The following DPY30 variants were observed in gnomAD, a reference collection of about 807,000 sequenced individuals.
DPY30 encodes the protein dpy-30 histone methyltransferase complex regulatory subunit, also known as protein dpy-30 homolog.
A neutral mutation model predicts 16.2 loss-of-function variants in DPY30; 6 were observed. The ratio of observed to expected loss-of-function variants is 0.37; its 90% confidence interval spans 0.20 to 0.73. DPY30 has a LOEUF of 0.73. DPY30 is among the 30% of genes least tolerant of loss of function. DPY30 has a pLI of 0.51. For synonymous variants in DPY30, 39 were observed against 38.8 expected (o/e 1.00, Z -0.02); for missense variants, 73 against 113.1 (o/e 0.65, Z 1.61).
At chr2:32,031,983 A>T (rs1208361148) in intron 3 of DPY30, among the ~76,000 whole-genome samples, 1 of 152,182 alleles carries the variant, frequency 6.6e-6, no homozygotes, top group African/African-American at 2.4e-5. Context: ...TCCTAAGAGC[A>T]CTTTCATTTA....
At chr2:32,021,552 C>T (rs1675180569), downstream of DPY30, among the ~76,000 whole-genome samples, 1 of 151,222 alleles carries the variant, frequency 6.6e-6, no homozygotes, top group Non-Finnish European at 1.5e-5. Flanking sequence ...GTGGCACACA[C>T]CTGTAATCCC....
chr2:32,017,366 C>T (rs1334288752), intron 5 of DPY30, among the ~76,000 whole-genome samples: 1 of 151,942 alleles, frequency 6.6e-6, no homozygotes, highest in Non-Finnish European at 1.5e-5. Context: ...CCTATAATCC[C>T]AGCACTTTGG....
intron 3 of DPY30, among the ~76,000 whole-genome samples, chr2:32,037,491 G>A (rs559962900): frequency 1.9e-4 from 29 of 151,896 alleles, no homozygotes; most frequent in Non-Finnish European, 3.1e-4. Context: ...TTTTTTTGTA[G>A]AAACAGGGTT....
rs1006852155 is a variant in DPY30 at position 32,036,107 on chromosome 2, C to A, written c.84+3172G>T. ...TCAAGCAATCCTCCCACCTCAGTCT[C>A]CTGAGTAGCTGGTACTATAGGCACA... is the stretch of plus-strand genomic sequence containing the variant. On this transcript the variant is annotated intron_variant, in intron 3 of 4. Transcript: ENST00000342166. 2.6e-5 allele frequency among the ~76,000 whole-genome samples: 4 copies of A among 151,268 alleles called. 1 individual carries two copies. Among genetic ancestry groups the A allele is most frequent in the Non-Finnish European group, 5.9e-5 (4 of 67,870 alleles).
chr2:32,026,038 T>TC (rs1222525007), intron 4 of DPY30, among the ~76,000 whole-genome samples: 1 of 151,972 alleles, frequency 6.6e-6, no homozygotes, highest in East Asian at 1.9e-4. Context: ...GCCTGGGAGT[T>TC]CGAGGCTTCA....
downstream of DPY30, among the ~76,000 whole-genome samples, chr2:32,023,253 C>G (rs889812991): frequency 7.9e-5 from 12 of 152,292 alleles, no homozygotes; most frequent in African/African-American, 2.4e-4. Flanking sequence ...TCCTGGCTCT[C>G]TTAAGGCAGT....
chr2:32,022,798 G>A (rs1457902330), downstream of DPY30, among the ~76,000 whole-genome samples: 1 of 151,962 alleles, frequency 6.6e-6, no homozygotes, highest in Non-Finnish European at 1.5e-5. Flanking sequence ...TTACAGGCGT[G>A]AGCCACCGCA....
chr2:32,038,462 C>T (rs1573010509), intron 3 of DPY30, among the ~76,000 whole-genome samples: 1 of 150,620 alleles, frequency 6.6e-6, no homozygotes. Flanking sequence ...TGCTGACACC[C>T]AGGCTGGAGC....
downstream of DPY30, among the ~76,000 whole-genome samples, chr2:32,020,449 T>C (rs989588913): frequency 1.1e-4 from 16 of 150,982 alleles, no homozygotes; most frequent in African/African-American, 3.6e-4. Context: ...GGCTTCAAGG[T>C]TGCAGTGAGC....
At chr2:32,036,239 A>C (rs1025192246) in intron 3 of DPY30, among the ~76,000 whole-genome samples, 1 of 151,920 alleles carries the variant, frequency 6.6e-6, no homozygotes, top group African/African-American at 2.4e-5. Flanking sequence ...TGGCCTCCCA[A>C]CGGGCTGGGA....
At chr2:32,039,353 G>C (rs1050400231) in intron 2 of DPY30, 27 bp from the exon 3 acceptor site, 2 of 1,613,986 alleles carry the variant, frequency 1.2e-6, no homozygotes, top group Admixed American at 1.7e-5. Flanking sequence ...CGGTCACAGA[G>C]ATATAAGTCC....
intron 3 of DPY30, among the ~76,000 whole-genome samples, chr2:32,035,163 G>C (rs1394090666): frequency 6.6e-6 from 1 of 151,430 alleles, no homozygotes; most frequent in Non-Finnish European, 1.5e-5. Context: ...CACACCTCTA[G>C]TCCCAACTAC....
At chr2:32,022,510 ATTTT>A (rs70964747), downstream of DPY30, among the ~76,000 whole-genome samples, 1 of 149,202 alleles carries the variant, frequency 6.7e-6, no homozygotes, top group Non-Finnish European at 1.5e-5. Context: ...GTATTTATGT[ATTTT>A]TTTTTTTAAT....
chr2:32,023,317 A>G (rs540567396), downstream of DPY30: 87 of 405,814 alleles, frequency 2.1e-4, no homozygotes, highest in South Asian at 1.6e-3. Flanking sequence ...GGGGACAATG[A>G]GAATAGACCC....
At chr2:32,033,405 G>T (rs1427491546) in intron 3 of DPY30, among the ~76,000 whole-genome samples, 1 of 152,192 alleles carries the variant, frequency 6.6e-6, no homozygotes, top group African/African-American at 2.4e-5. Flanking sequence ...GGGCATGGTG[G>T]CTCACGCCTG....
At chr2:32,027,606 T>C (rs999700423) in intron 4 of DPY30, among the ~76,000 whole-genome samples, 4 of 150,436 alleles carry the variant, frequency 2.7e-5, no homozygotes, top group African/African-American at 9.7e-5. Flanking sequence ...ACTCACTACC[T>C]TCAAATCAAC....
chr2:32,021,653 T>A (rs1310303808), downstream of DPY30, among the ~76,000 whole-genome samples: 1 of 147,606 alleles, frequency 6.8e-6, no homozygotes, highest in Non-Finnish European at 1.5e-5. Flanking sequence ...CACTCCAGCC[T>A]GGGCAACCGA....
At position 32,029,692 on chromosome 2, in the gene DPY30, C is replaced by T. The variant is rs147323658; in HGVS notation, c.129G>A (p.Lys43=). 1.2e-6 allele frequency: 2 copies of T among 1,614,128 alleles called. No individual in the cohort carries two copies. Among genetic ancestry groups the T allele is most frequent in the Middle Eastern group, 1.6e-4 (1 of 6,062 alleles). ...NEKINAEKSS[K]QKVDLQSLPT... is the part of the protein sequence containing the mutation. ...GCAAAGACTGGAGATCTACCTTCTG[C>T]TTTGATGACTTTTCTGCATTAATCT... is the stretch of plus-strand genomic sequence containing the variant. The change falls in exon 4 of 5, where the codon AAG becomes AAA. Residue 43 remains lysine (K), a synonymous_variant. Coordinates refer to ENST00000342166, the MANE Select transcript of DPY30 (RefSeq NM_001321209.2).
chr2:32,033,978 A>C (rs1274644373), intron 3 of DPY30, among the ~76,000 whole-genome samples: 1 of 152,120 alleles, frequency 6.6e-6, no homozygotes, highest in African/African-American at 2.4e-5. Flanking sequence ...TTACAGGATA[A>C]AGTGTAGGGA....
Sources: allele counts gnomAD v4.1 joint callset (sites outside exome capture counted in the v4.1 genomes callset), GRCh38; gene constraint gnomAD v4.1.1; transcripts MANE v1.5; gene names NCBI Gene and HGNC (gene_info 2026-07-23, HGNC 2026-07-21).